The following ARFGEF3 variants were observed in gnomAD, a reference collection of about 807,000 sequenced individuals.
ARFGEF3 encodes the protein ARFGEF family member 3, also known as brefeldin A-inhibited guanine nucleotide-exchange protein 3.
In ARFGEF3, 96 loss-of-function variants were observed where a neutral mutation model predicts 221.7. The ratio of observed to expected loss-of-function variants is 0.43; its 90% CI spans 0.37 to 0.51. The LOEUF (loss-of-function observed/expected upper bound fraction) is 0.51, where lower values mean the gene tolerates loss of function less well. Ranked by LOEUF, ARFGEF3 falls within the 20% of genes least tolerant of loss-of-function variation. ARFGEF3 has a pLI of 0.00. For missense variants in ARFGEF3, 2,410 were observed against 2,789.9 expected, an observed-to-expected ratio of 0.86 and a Z score of 3.07; for synonymous variants, 1,145 against 1,126.8, an observed-to-expected ratio of 1.02 and a Z score of -0.32.
At chr6:138,189,543 T>C (rs557709640) in intron 2 of ARFGEF3, among the ~76,000 whole-genome samples, 2 of 152,348 alleles carry the variant, frequency 1.3e-5, no homozygotes, top group East Asian at 3.9e-4. Context: ...TTAGGATATA[T>C]AGTATGTAAT....
chr6:138,170,969 G>A (rs1435001747), intron 2 of ARFGEF3, among the ~76,000 whole-genome samples: 1 of 152,098 alleles, frequency 6.6e-6, no homozygotes, highest in Non-Finnish European at 1.5e-5. Flanking sequence ...AAAAGAGGGT[G>A]GAACAGAGAA....
intron 17 of ARFGEF3, among the ~76,000 whole-genome samples, chr6:138,287,620 A>G (rs942100848): frequency 6.6e-6 from 1 of 152,232 alleles, no homozygotes; most frequent in African/African-American, 2.4e-5. Flanking sequence ...AGAGGCTCTT[A>G]TCAGAGAAAA....
chr6:138,199,328 T>C (rs1198067944), intron 2 of ARFGEF3, among the ~76,000 whole-genome samples: 3 of 152,226 alleles, frequency 2.0e-5, no homozygotes, highest in African/African-American at 2.4e-5. Context: ...AGTTATTTGA[T>C]AAATGGCTTA....
At chr6:138,240,355 A>C (rs2114550810) in intron 6 of ARFGEF3, among the ~76,000 whole-genome samples, 1 of 152,368 alleles carries the variant, frequency 6.6e-6, no homozygotes, top group East Asian at 1.9e-4. Flanking sequence ...ACATCATTTA[A>C]ATCAAACTTT....
chr6:138,200,913 C>CA (rs1777522368), intron 2 of ARFGEF3, among the ~76,000 whole-genome samples: 1 of 152,170 alleles, frequency 6.6e-6, no homozygotes, highest in South Asian at 2.1e-4. Flanking sequence ...AGAAAATCTT[C>CA]ACAATCTATA....
chr6:138,230,371 G>A (rs1461567558), intron 5 of ARFGEF3, among the ~76,000 whole-genome samples: 1 of 152,134 alleles, frequency 6.6e-6, no homozygotes, highest in African/African-American at 2.4e-5. Flanking sequence ...CCAAGAATAT[G>A]TCCAACAGAA....
At chr6:138,307,176 A>G in intron 22 of ARFGEF3, 77 bp from the exon 23 acceptor site, 1 of 1,473,076 alleles carries the variant, frequency 6.8e-7, no homozygotes, top group Non-Finnish European at 9.4e-7. Context: ...GGGGACAGAG[A>G]AATACATCAC....
intron 6 of ARFGEF3, among the ~76,000 whole-genome samples, chr6:138,239,002 T>G (rs1421990925): frequency 6.6e-6 from 1 of 152,168 alleles, no homozygotes; most frequent in East Asian, 1.9e-4. Flanking sequence ...TGCTTTGAGG[T>G]TGGGTATGTT....
chr6:138,321,937 A>G (rs1226681801), intron 29 of ARFGEF3, among the ~76,000 whole-genome samples: 1 of 152,176 alleles, frequency 6.6e-6, no homozygotes, highest in Non-Finnish European at 1.5e-5. Flanking sequence ...ATCATGGCGG[A>G]AGGCAAGGAG....
Position 138,307,173 on chromosome 6 carries a change from G to C in ARFGEF3, c.3829-80G>C, listed in dbSNP as rs1179328982. The C allele has an allele frequency of 5.5e-6, 8 of 1,452,628 alleles. No individual in the cohort carries two copies. The East Asian group carries it at 1.8e-4, about 33-fold the overall frequency. The allele number at this position is 1,452,628 out of a possible 1,614,324, so 90.0% of individuals were successfully genotyped here. A position where few individuals can be genotyped will look rare whatever the true frequency, so the allele number is the denominator to read the frequency against. On this transcript the variant is annotated intron_variant, in intron 22 of 33. Coordinates refer to ENST00000251691, the MANE Select transcript of ARFGEF3 (RefSeq NM_020340.5). Reference sequence around the variant, plus strand: ...AAAATTAACTCCAAAATAGGGGACAGAGAAATACATCACCCTTCCCAGAAA... The same window carrying C: ...AAAATTAACTCCAAAATAGGGGACACAGAAATACATCACCCTTCCCAGAAA...
chr6:138,247,441 C>T (rs1198724099), intron 8 of ARFGEF3, among the ~76,000 whole-genome samples: 2 of 152,150 alleles, frequency 1.3e-5, no homozygotes, highest in Non-Finnish European at 2.9e-5. Flanking sequence ...TTCACTCTAC[C>T]CATCAATGAC....
intron 8 of ARFGEF3, 66 bp from the exon 9 acceptor site, chr6:138,253,814 A>G (rs566667906): frequency 7.8e-7 from 1 of 1,289,958 alleles, no homozygotes; most frequent in Non-Finnish European, 1.1e-6. Context: ...GCGTGTTTCC[A>G]CACATCACCT....
intron 8 of ARFGEF3, among the ~76,000 whole-genome samples, chr6:138,251,148 C>A (rs1049409262): frequency 2.6e-5 from 4 of 152,146 alleles, no homozygotes; most frequent in East Asian, 1.9e-4. Flanking sequence ...TCCCTGTCAG[C>A]GAGTCTGATA....
chr6:138,230,006 C>T (rs1778162995), intron 5 of ARFGEF3, among the ~76,000 whole-genome samples, 154 bp downstream of exon 5: 2 of 152,104 alleles, frequency 1.3e-5, no homozygotes, highest in Non-Finnish European at 1.5e-5. Context: ...CTGTGGGAAG[C>T]GTGCTGTGTG....
rs779804890 is a variant in ARFGEF3 at position 138,334,801 on chromosome 6, C to A, written c.5955C>A (p.Asp1985Glu). ...ESLSLKAGGG[D>E]LLLPPSPKVE... Reference sequence around the variant, plus strand: ...TGAGCCTGAAGGCCGGTGGTGGGGACCTGCTGCTGCCCCCCAGCCCCAAAG... The same window carrying A: ...TGAGCCTGAAGGCCGGTGGTGGGGAACTGCTGCTGCCCCCCAGCCCCAAAG... Residue 1985 changes from aspartate (D) to glutamate (E), a missense_variant, in exon 33 of 34, where the codon GAC becomes GAA. Transcript: ENST00000251691. The surrounding 1 kb of genome is among the most constrained non-coding windows in gnomAD (Gnocchi z 5.1). The A allele has an allele frequency of 1.0e-5, 16 of 1,603,820 alleles. No individual in the cohort carries two copies. The African/African-American group carries it at 1.1e-4, about 11-fold the overall frequency.
chr6:138,314,044 C>A, intron 26 of ARFGEF3, 105 bp downstream of exon 26: 1 of 1,157,484 alleles, frequency 8.6e-7, no homozygotes, highest in East Asian at 2.5e-5. Context: ...TGTCTTAGTC[C>A]ATTTTGTGCT....
At chr6:138,306,655 A>G (rs1431608878) in intron 22 of ARFGEF3, among the ~76,000 whole-genome samples, 2 of 152,180 alleles carry the variant, frequency 1.3e-5, no homozygotes, top group African/African-American at 2.4e-5. Flanking sequence ...TTTATAATCA[A>G]TTGATTTTTG....
At chr6:138,320,949 G>C (rs931480267) in intron 28 of ARFGEF3, among the ~76,000 whole-genome samples, 162 bp from the exon 29 acceptor site, 2 of 152,090 alleles carry the variant, frequency 1.3e-5, no homozygotes, top group African/African-American at 2.4e-5. Flanking sequence ...TTTTGGCGGG[G>C]GGGGGCAGGA....
chr6:138,319,187 A>G (rs1469614936), intron 27 of ARFGEF3, among the ~76,000 whole-genome samples: 1 of 150,894 alleles, frequency 6.6e-6, no homozygotes, highest in Non-Finnish European at 1.5e-5. Context: ...ACTGGGCTTA[A>G]TTAAGCAATC....
Sources: gnomAD v4.1 joint callset for allele counts (sites outside exome capture counted in the v4.1 genomes callset) on GRCh38, gnomAD v4.1.1 for gene constraint, Gnocchi (gnomAD v3.1) non-coding constraint, MANE v1.5 for transcripts, NCBI Gene and HGNC (gene_info 2026-07-23, HGNC 2026-07-21) for gene names.